The following RIN2 variants were observed in gnomAD, a reference collection of about 807,000 sequenced individuals.
RIN2 encodes RAB5 interacting protein 2.
RIN2 carries 36 observed loss-of-function variants against 78.0 expected under a neutral mutation model. The observed-to-expected ratio is 0.46, with a 90% CI of 0.35 to 0.61. RIN2 has a LOEUF of 0.61. RIN2 is among the 20% of genes least tolerant of loss of function. The probability of loss-of-function intolerance (pLI) is 0.00; values close to 1 mark genes in which losing one functional copy is unlikely to be tolerated. For synonymous variants in RIN2, 466 were observed against 466.8 expected (o/e 1.00, Z 0.02); for missense variants, 1,087 against 1,159.7 (o/e 0.94, Z 0.91).
intron 11 of RIN2, among the ~76,000 whole-genome samples, chr20:19,995,261 T>A (rs169204): frequency 0.021 from 2,535 of 122,658 alleles, 28 homozygotes; most frequent in Middle Eastern, 0.046. Context: ...GTTTTTTTTT[T>A]AAAAAAAAAA....
chr20:19,888,822 G>C (rs1417861516), intron 2 of RIN2, among the ~76,000 whole-genome samples: 1 of 152,242 alleles, frequency 6.6e-6, no homozygotes, highest in African/African-American at 2.4e-5. Context: ...AATGTTGAAG[G>C]CTTTGTGACC....
chr20:19,798,200 T>C (rs1046632239), intron 1 of RIN2, among the ~76,000 whole-genome samples: 12 of 152,174 alleles, frequency 7.9e-5, no homozygotes, highest in Non-Finnish European at 1.5e-4. Flanking sequence ...TAAATGCTAT[T>C]ACAATTACCC....
At chr20:19,929,993 A>G (rs1181775392) in intron 3 of RIN2, among the ~76,000 whole-genome samples, 1 of 151,964 alleles carries the variant, frequency 6.6e-6, no homozygotes, top group African/African-American at 2.4e-5. Flanking sequence ...CTGGCCCTGG[A>G]ACACTAAACT....
intron 2 of RIN2, chr20:19,886,612 CTTTTTTTTT>C: frequency 3.1e-5 from 16 of 519,886 alleles, no homozygotes; most frequent in African/African-American, 1.9e-4. Flanking sequence ...TCTTCTTCTT[CTTTTTTTTT>C]TTTTTTTTTT....
At chr20:19,940,921 G>A (rs2040845593) in intron 4 of RIN2, among the ~76,000 whole-genome samples, 1 of 152,190 alleles carries the variant, frequency 6.6e-6, no homozygotes, top group Admixed American at 6.5e-5. Flanking sequence ...TCTGGGCCCA[G>A]GCTGCCTCTG....
At chr20:19,784,662 T>C (rs1034513570) in intron 1 of RIN2, among the ~76,000 whole-genome samples, 2 of 152,042 alleles carry the variant, frequency 1.3e-5, no homozygotes, top group Non-Finnish European at 2.9e-5. Flanking sequence ...TTCCTGTAAG[T>C]AGTGAGAGAA....
chr20:19,977,574 G>A (rs539909799), intron 9 of RIN2, among the ~76,000 whole-genome samples: 5 of 152,138 alleles, frequency 3.3e-5, no homozygotes, highest in Non-Finnish European at 7.3e-5. Flanking sequence ...TTGGAGGAAG[G>A]CAAGGAGGGC....
At chr20:19,927,585 T>G (rs1214976093) in intron 3 of RIN2, among the ~76,000 whole-genome samples, 1 of 152,044 alleles carries the variant, frequency 6.6e-6, no homozygotes, top group African/African-American at 2.4e-5. Flanking sequence ...CAACTAATTT[T>G]TTGTATTTTA....
chr20:19,800,150 C>A (rs2035194666), intron 2 of RIN2, among the ~76,000 whole-genome samples: 1 of 152,178 alleles, frequency 6.6e-6, no homozygotes, highest in Non-Finnish European at 1.5e-5. Flanking sequence ...AAGAACCTGG[C>A]AATAACTGAA....
intron 1 of RIN2, among the ~76,000 whole-genome samples, chr20:19,794,471 G>A (rs990360489): frequency 6.0e-5 from 9 of 149,598 alleles, no homozygotes; most frequent in African/African-American, 2.0e-4. Flanking sequence ...GGTGGAGGTT[G>A]CCTTGAGCCA....
chr20:19,836,547 G>A (rs1404457997), intron 2 of RIN2, among the ~76,000 whole-genome samples: 3 of 151,962 alleles, frequency 2.0e-5, no homozygotes, highest in Non-Finnish European at 4.4e-5. Context: ...GTAAATTAAA[G>A]AATATTTTCA....
intron 2 of RIN2, among the ~76,000 whole-genome samples, chr20:19,811,805 A>T (rs1188186652): frequency 1.3e-5 from 2 of 152,162 alleles, no homozygotes; most frequent in African/African-American, 4.8e-5. Flanking sequence ...TTTGAGTAGA[A>T]AAAAGCACAG....
chr20:19,961,751 C>T (rs1193073427), intron 6 of RIN2, among the ~76,000 whole-genome samples: 1 of 152,102 alleles, frequency 6.6e-6, no homozygotes, highest in Middle Eastern at 3.2e-3. Context: ...TGTGAACCGC[C>T]TCCAGCTCAA....
intron 4 of RIN2, among the ~76,000 whole-genome samples, chr20:19,936,143 G>A (rs930500720): frequency 2.0e-5 from 3 of 152,198 alleles, no homozygotes; most frequent in African/African-American, 7.2e-5. Context: ...CTGGAAGGTG[G>A]TACTTTGATA....
chr20:19,813,599 CAATA>C (rs1393262825), intron 2 of RIN2, among the ~76,000 whole-genome samples: 1 of 141,620 alleles, frequency 7.1e-6, no homozygotes. Context: ...AAGTAAAACA[CAATA>C]AAAAAGTAGA....
At chr20:19,999,186 G>A (rs556327451) in intron 12 of RIN2, among the ~76,000 whole-genome samples, 40 of 152,154 alleles carry the variant, frequency 2.6e-4, no homozygotes, top group Admixed American at 1.9e-3. Context: ...CATCTGCCAC[G>A]TCCTAGCTGT....
intron 2 of RIN2, among the ~76,000 whole-genome samples, chr20:19,802,887 G>T (rs1055600619): frequency 2.0e-5 from 3 of 152,046 alleles, no homozygotes; most frequent in Non-Finnish European, 4.4e-5. Context: ...ATCCTCTCTT[G>T]GACACAGTCC....
chr20:19,987,413 A>T (rs1208215956), intron 9 of RIN2, among the ~76,000 whole-genome samples: 2 of 152,256 alleles, frequency 1.3e-5, no homozygotes, highest in Non-Finnish European at 2.9e-5. Context: ...GAGTATTTAT[A>T]AAGTGACTTG....
intron 2 of RIN2, among the ~76,000 whole-genome samples, chr20:19,832,145 T>C (rs2036268561): frequency 6.6e-6 from 1 of 151,634 alleles, no homozygotes; most frequent in Admixed American, 6.6e-5. Context: ...CCTGCTGTGC[T>C]CTCTAATCCA....
Sources: gnomAD v4.1 joint callset for allele counts (sites outside exome capture counted in the v4.1 genomes callset) on GRCh38, gnomAD v4.1.1 for gene constraint, MANE v1.5 for transcripts, NCBI Gene and HGNC (gene_info 2026-07-23, HGNC 2026-07-21) for gene names.